EML4: variants seen among roughly 807,000 people sequenced by gnomAD.
The protein encoded by EML4 is echinoderm microtubule-associated protein-like 4.
In EML4, 72 loss-of-function variants were observed where a neutral mutation model predicts 129.0. The observed-to-expected ratio is 0.56, with a 90% CI of 0.46 to 0.68. The LOEUF (loss-of-function observed/expected upper bound fraction) is 0.68, where lower values mean the gene tolerates loss of function less well. Ranked by LOEUF, EML4 falls within the 30% of genes least tolerant of loss-of-function variation. The pLI, the probability that EML4 is intolerant of heterozygous loss-of-function variation, is 0.00. For missense variants in EML4, 1,363 were observed against 1,190.6 expected, an observed-to-expected ratio of 1.14 and a Z score of -2.13; for synonymous variants, 532 against 405.0, an observed-to-expected ratio of 1.31 and a Z score of -3.77.
intron 1 of EML4, among the ~76,000 whole-genome samples, chr2:42,188,047 A>T (rs553039564): frequency 6.6e-6 from 1 of 152,130 alleles, no homozygotes; most frequent in African/African-American, 2.4e-5. Flanking sequence ...TTGCACACTG[A>T]TGATTTTTGT....
rs370087539 is a variant in EML4 at position 42,176,143 on chromosome 2, A to G, written c.25+6507A>G. ...AATCAGCTTCTTTTCCTTATTTCCC[A>G]CTGACTGTATCACCCAGTTTGAAAT... is the stretch of plus-strand genomic sequence containing the variant. On this transcript the variant is annotated intron_variant, in intron 1 of 22. Transcript: ENST00000318522. 4.2e-4 allele frequency among the ~76,000 whole-genome samples: 63 copies of G among 151,550 alleles called. 1 individual carries two copies. The South Asian group carries it at 0.012, about 30-fold the overall frequency.
At chr2:42,304,073 T>C (rs1438822672) in intron 16 of EML4, among the ~76,000 whole-genome samples, 1 of 152,200 alleles carries the variant, frequency 6.6e-6, no homozygotes, top group Non-Finnish European at 1.5e-5. Context: ...TGCAGTTGGA[T>C]TCAGTAAGTG....
chr2:42,220,550 C>G (rs1029736189), intron 1 of EML4, among the ~76,000 whole-genome samples: 11 of 152,128 alleles, frequency 7.2e-5, no homozygotes, highest in African/African-American at 2.4e-4. Flanking sequence ...CTCTCCCTCT[C>G]CTCAGGCCTC....
chr2:42,257,708 G>T (rs1262040054), intron 3 of EML4, among the ~76,000 whole-genome samples: 1 of 152,074 alleles, frequency 6.6e-6, no homozygotes, highest in Non-Finnish European at 1.5e-5. Flanking sequence ...GTGGTGGCAG[G>T]TGTCTGTAGT....
chr2:42,304,342 C>A, intron 16 of EML4, 142 bp from the exon 17 acceptor site: 1 of 647,120 alleles, frequency 1.5e-6, no homozygotes, highest in Non-Finnish European at 2.8e-6. Context: ...CCTCTCATAT[C>A]TGTGTGGTAT....
At chr2:42,233,727 A>G (rs1022677242) in intron 1 of EML4, among the ~76,000 whole-genome samples, 1 of 152,238 alleles carries the variant, frequency 6.6e-6, no homozygotes, top group Non-Finnish European at 1.5e-5. Flanking sequence ...AATGTTTATA[A>G]TGAATCTTAA....
chr2:42,222,057 G>A (rs541182201), intron 1 of EML4, among the ~76,000 whole-genome samples: 1 of 151,944 alleles, frequency 6.6e-6, no homozygotes, highest in Non-Finnish European at 1.5e-5. Flanking sequence ...TCTCTCCTTA[G>A]TCTTCTCTCT....
chr2:42,315,891 G>A (rs1048457632), intron 17 of EML4, 71 bp from the exon 18 acceptor site: 1 of 1,154,492 alleles, frequency 8.7e-7, no homozygotes, highest in South Asian at 1.3e-5. Flanking sequence ...AAAAAAAAAA[G>A]AAAAAGAACA....
chr2:42,324,076 C>T (rs1462384121), intron 19 of EML4, among the ~76,000 whole-genome samples: 1 of 152,106 alleles, frequency 6.6e-6, no homozygotes, highest in Non-Finnish European at 1.5e-5. Flanking sequence ...GGGCATATCA[C>T]TTGAGGCCAG....
At chr2:42,212,104 C>G (rs1168311137) in intron 1 of EML4, among the ~76,000 whole-genome samples, 1 of 152,166 alleles carries the variant, frequency 6.6e-6, no homozygotes, top group African/African-American at 2.4e-5. Context: ...CCTCAGCCCT[C>G]TAAAGTGTTG....
At chr2:42,204,892 T>G (rs1672449763) in intron 1 of EML4, among the ~76,000 whole-genome samples, 1 of 152,188 alleles carries the variant, frequency 6.6e-6, no homozygotes, top group African/African-American at 2.4e-5. Flanking sequence ...GTAAATGTTC[T>G]TTGCCTCAGA....
chr2:42,244,101 G>GTTTTTTTTTTTTTT (rs147426155), intron 1 of EML4, among the ~76,000 whole-genome samples: 1 of 81,368 alleles, frequency 1.2e-5, no homozygotes, highest in Non-Finnish European at 3.0e-5. Context: ...TTTGTTTTTT[G>GTTTTTTTTTTTTTT]TTTTTTTTTT....
At chr2:42,267,997 G>A (rs575640535) in intron 6 of EML4, among the ~76,000 whole-genome samples, 2 of 152,244 alleles carry the variant, frequency 1.3e-5, no homozygotes, top group East Asian at 3.9e-4. Context: ...CTAAGTTGGG[G>A]GACTTCAGGC....
intron 6 of EML4, among the ~76,000 whole-genome samples, chr2:42,276,229 AGAG>A (rs2104443398): frequency 6.6e-6 from 1 of 152,214 alleles, no homozygotes; most frequent in Admixed American, 6.5e-5. Context: ...CTTTTTTGGT[AGAG>A]GAGTAAACAT....
At position 42,280,926 on chromosome 2, in the gene EML4, T is replaced by C. The variant is rs1056196384; in HGVS notation, c.744T>C (p.Asp248=). The C allele has an allele frequency of 1.2e-6, 2 of 1,612,390 alleles. No homozygotes were observed. Among genetic ancestry groups the C allele is most frequent in the Non-Finnish European group, 1.7e-6 (2 of 1,178,850 alleles). The stretch of plus-strand genomic sequence containing the variant: ...TTCCTTCCGATGTTGACAACTATGA[T>C]GACATCAGAACGGAACTGCCTCCTG... ...MFIPSDVDNY[D]DIRTELPPEK... is the part of the protein sequence containing the mutation. The change falls in exon 7 of 23, where the codon GAT becomes GAC. Residue 248 remains aspartate (D), a synonymous_variant. Transcript: ENST00000318522.
Position 42,332,050 on chromosome 2 carries a change from A to G in EML4, c.*1843A>G, listed in dbSNP as rs889168546. On this transcript the variant is annotated 3_prime_UTR_variant, in exon 23 of 23. Coordinates refer to ENST00000318522, the MANE Select transcript of EML4 (RefSeq NM_019063.5). ...GAGCGCGCCAGTAAGTATCAGGCAT[A>G]TATATCTGTCTGTTAGCAATGATTA... The G allele has an allele frequency of 1.8e-5, 4 of 222,354 alleles. No individual in the cohort carries two copies. The highest frequency in any genetic ancestry group is 8.9e-5 in the African/African-American group (4 of 44,694). The allele number at this position is 222,354 out of a possible 1,614,324, so 13.8% of individuals were successfully genotyped here. A position where few individuals can be genotyped will look rare whatever the true frequency, so the allele number is the denominator to read the frequency against.
At chr2:42,290,010 C>T (rs906693408) in intron 11 of EML4, 2 of 151,954 alleles carry the variant, frequency 1.3e-5, no homozygotes, top group African/African-American at 4.8e-5. Context: ...TTGCTTGAAC[C>T]CTGGAGGCAG....
chr2:42,227,188 C>T (rs1358256734), intron 1 of EML4, among the ~76,000 whole-genome samples: 1 of 152,154 alleles, frequency 6.6e-6, no homozygotes, highest in Non-Finnish European at 1.5e-5. Context: ...TGGCTCACTG[C>T]AGCCTTGACC....
At chr2:42,211,073 C>G (rs1035260324) in intron 1 of EML4, among the ~76,000 whole-genome samples, 4 of 152,174 alleles carry the variant, frequency 2.6e-5, no homozygotes, top group Non-Finnish European at 5.9e-5. Context: ...TCCTTTGCAA[C>G]TATAACTCTT....
Sources: gnomAD v4.1 joint callset for allele counts (sites outside exome capture counted in the v4.1 genomes callset) on GRCh38, gnomAD v4.1.1 for gene constraint, MANE v1.5 for transcripts, NCBI Gene and HGNC (gene_info 2026-07-23, HGNC 2026-07-21) for gene names.